Variants in PRKCE observed in about 807,000 individuals in gnomAD.
PRKCE encodes the protein protein kinase C epsilon type.
A neutral mutation model predicts 85.4 loss-of-function variants in PRKCE; 16 were observed. The observed-to-expected ratio is 0.19, with a 90% CI of 0.13 to 0.28. The LOEUF (loss-of-function observed/expected upper bound fraction) is 0.28, where lower values mean the gene tolerates loss of function less well. PRKCE is among the 10% of genes least tolerant of loss of function. PRKCE has a pLI of 1.00. For missense variants in PRKCE, 573 were observed against 975.2 expected (o/e 0.59, Z 5.49); for synonymous variants, 388 against 371.5 (o/e 1.04, Z -0.51).
chr2:45,889,388 A>G (rs1695546147), intron 2 of PRKCE, among the ~76,000 whole-genome samples: 1 of 152,236 alleles, frequency 6.6e-6, no homozygotes, highest in South Asian at 2.1e-4. Context: ...TGGATGATGC[A>G]GAAGAGGGTG....
At chr2:46,122,197 T>G (rs781184139) in intron 11 of PRKCE, among the ~76,000 whole-genome samples, 2 of 151,996 alleles carry the variant, frequency 1.3e-5, no homozygotes, top group Non-Finnish European at 2.9e-5. Flanking sequence ...TGTATTTAGG[T>G]CTCTTTATTT....
intron 11 of PRKCE, among the ~76,000 whole-genome samples, chr2:46,132,772 A>G (rs1234859084): frequency 3.3e-5 from 5 of 152,346 alleles, no homozygotes; most frequent in East Asian, 3.9e-4. Context: ...AATACCTTCC[A>G]TGGCCAAATT....
chr2:45,965,235 C>T (rs1052422882), intron 2 of PRKCE, among the ~76,000 whole-genome samples: 1 of 152,206 alleles, frequency 6.6e-6, no homozygotes, highest in Non-Finnish European at 1.5e-5. Context: ...ACATGTAGAA[C>T]ATATTCTTTG....
chr2:45,903,689 G>C (rs759848140), intron 2 of PRKCE, among the ~76,000 whole-genome samples: 1 of 152,148 alleles, frequency 6.6e-6, no homozygotes, highest in South Asian at 2.1e-4. Context: ...GGGAAGCCTA[G>C]ACACACAGAC....
At position 46,120,643 on chromosome 2, in the gene PRKCE, T is replaced by G. The variant is rs188305974; in HGVS notation, c.1593-24450T>G. ...CTGGAGAAATCAGATGTAGATGATGTAGGCTTTTTTAACTCTTCTGAAGAT... is the reference window on the plus strand; with the variant it reads ...CTGGAGAAATCAGATGTAGATGATGGAGGCTTTTTTAACTCTTCTGAAGAT... On this transcript the variant is annotated intron_variant, in intron 11 of 14. Coordinates refer to ENST00000306156, the MANE Select transcript of PRKCE (RefSeq NM_005400.3). Among the ~76,000 whole-genome samples the G allele has an allele frequency of 1.1e-4, 17 of 152,306 alleles. No homozygotes were observed. In the East Asian group the frequency reaches 3.3e-3, roughly 29 times the overall value.
chr2:45,875,577 T>C (rs1265566467), intron 2 of PRKCE, among the ~76,000 whole-genome samples: 11 of 152,224 alleles, frequency 7.2e-5, no homozygotes, highest in Non-Finnish European at 1.5e-4. Context: ...GAGGCTTGTA[T>C]AGAAGAGGGA....
At chr2:45,735,264 C>T (rs996527513) in intron 1 of PRKCE, among the ~76,000 whole-genome samples, 2 of 152,266 alleles carry the variant, frequency 1.3e-5, no homozygotes, top group African/African-American at 4.8e-5. Context: ...AGTTAGACAT[C>T]GTCCTCCTGA....
chr2:45,667,303 T>C (rs145672903), intron 1 of PRKCE, among the ~76,000 whole-genome samples: 1,590 of 152,148 alleles, frequency 0.01, 16 homozygotes, highest in Non-Finnish European at 0.014. Context: ...AGGTTGAGAC[T>C]CTGTCTCAAA....
chr2:45,765,400 A>G (rs1684832794), intron 1 of PRKCE, among the ~76,000 whole-genome samples: 1 of 152,214 alleles, frequency 6.6e-6, no homozygotes, highest in Admixed American at 6.5e-5. Flanking sequence ...TAGAGTGCTG[A>G]GGAGATGCTT....
intron 11 of PRKCE, among the ~76,000 whole-genome samples, chr2:46,105,171 T>C (rs956087627): frequency 2.6e-5 from 4 of 151,010 alleles, no homozygotes; most frequent in East Asian, 1.9e-4. Context: ...TATCTTGACA[T>C]TTTTTTAAGA....
At chr2:45,926,143 A>G (rs369658249) in intron 2 of PRKCE, among the ~76,000 whole-genome samples, 2 of 152,254 alleles carry the variant, frequency 1.3e-5, no homozygotes, top group East Asian at 1.9e-4. Context: ...ATGTTGAGAA[A>G]TGACAAAGTT....
At chr2:45,795,080 C>T (rs957391878) in intron 1 of PRKCE, among the ~76,000 whole-genome samples, 4 of 152,150 alleles carry the variant, frequency 2.6e-5, no homozygotes, top group Non-Finnish European at 5.9e-5. Context: ...GCCAGCACCT[C>T]TTCTCCTTCT....
intron 10 of PRKCE, among the ~76,000 whole-genome samples, chr2:46,057,393 A>T (rs959955244): frequency 2.0e-5 from 3 of 151,984 alleles, no homozygotes; most frequent in African/African-American, 4.8e-5. Context: ...GGTATAAAGT[A>T]TTGGAAACAG....
intron 1 of PRKCE, among the ~76,000 whole-genome samples, chr2:45,813,698 C>T (rs1431326887): frequency 1.3e-5 from 2 of 152,144 alleles, no homozygotes; most frequent in Non-Finnish European, 2.9e-5. Flanking sequence ...CCAGGCAGTA[C>T]AGCAAGAAAA....
At chr2:45,953,966 A>G (rs1261491954) in intron 2 of PRKCE, among the ~76,000 whole-genome samples, 2 of 152,154 alleles carry the variant, frequency 1.3e-5, no homozygotes, top group Non-Finnish European at 2.9e-5. Flanking sequence ...AAAGCTGTCT[A>G]TTTTCCTAAG....
At chr2:46,126,528 A>G (rs908239061) in intron 11 of PRKCE, among the ~76,000 whole-genome samples, 3 of 152,232 alleles carry the variant, frequency 2.0e-5, no homozygotes, top group African/African-American at 7.2e-5. Context: ...TGTTACAGAC[A>G]GAGGAAACAG....
intron 5 of PRKCE, among the ~76,000 whole-genome samples, chr2:45,984,062 C>T (rs960503561): frequency 4.6e-5 from 7 of 151,630 alleles, no homozygotes; most frequent in Admixed American, 2.6e-4. Context: ...CTCAGCCTTC[C>T]GAGTAGCTGG....
intron 11 of PRKCE, among the ~76,000 whole-genome samples, chr2:46,093,295 C>T (rs1163440754): frequency 6.6e-6 from 1 of 152,156 alleles, no homozygotes; most frequent in Non-Finnish European, 1.5e-5. Flanking sequence ...TGGAATAACT[C>T]ACCCGAGTTT....
intron 1 of PRKCE, among the ~76,000 whole-genome samples, chr2:45,725,010 T>C (rs1361092552): frequency 6.6e-6 from 1 of 152,232 alleles, no homozygotes; most frequent in Non-Finnish European, 1.5e-5. Flanking sequence ...GATTAGAAGT[T>C]GCTATCTAAC....
Sources: gnomAD v4.1 joint callset for allele counts (sites outside exome capture counted in the v4.1 genomes callset) on GRCh38, gnomAD v4.1.1 for gene constraint, MANE v1.5 for transcripts, NCBI Gene and HGNC (gene_info 2026-07-23, HGNC 2026-07-21) for gene names.